Variants in ZNF33A observed in about 807,000 individuals in gnomAD.
ZNF33A encodes the protein zinc finger protein 33A.
A neutral mutation model predicts 15.9 loss-of-function variants in ZNF33A; 9 were observed. That is an observed-to-expected ratio of 0.57 (90% CI 0.34 to 0.99). The LOEUF is 0.99. Ranked by LOEUF, ZNF33A falls within the 50% of genes least tolerant of loss-of-function variation. The pLI, the probability that ZNF33A is intolerant of heterozygous loss-of-function variation, is 0.02. For missense variants in ZNF33A, 843 were observed against 941.6 expected (o/e 0.90, Z 1.37); for synonymous variants, 294 against 324.2 (o/e 0.91, Z 1.00).
intron 4 of ZNF33A, among the ~76,000 whole-genome samples, chr10:38,044,342 G>C (rs924507613): frequency 2.9e-4 from 44 of 150,264 alleles, no homozygotes; most frequent in South Asian, 1.1e-3. Flanking sequence ...AGAGTAGCTG[G>C]GATTACAGGT....
At chr10:38,045,811 C>T (rs1411069487) in intron 4 of ZNF33A, among the ~76,000 whole-genome samples, 1 of 152,192 alleles carries the variant, frequency 6.6e-6, no homozygotes. Flanking sequence ...CACTCACCCA[C>T]ACTCTGCTCT....
downstream of ZNF33A, among the ~76,000 whole-genome samples, chr10:38,060,866 C>T (rs1438696659): frequency 1.3e-5 from 2 of 151,906 alleles, no homozygotes; most frequent in Admixed American, 1.3e-4. Flanking sequence ...AGGTGAGTGT[C>T]GCATCTCTTC....
intron 4 of ZNF33A, chr10:38,039,501 A>G: frequency 2.2e-6 from 1 of 456,246 alleles, no homozygotes; most frequent in Non-Finnish European, 4.4e-6. Context: ...TGGTAGGATT[A>G]CAGGCATGAG....
At chr10:38,067,360 G>C (rs1183810204), downstream of ZNF33A, among the ~76,000 whole-genome samples, 1 of 152,186 alleles carries the variant, frequency 6.6e-6, no homozygotes, top group Non-Finnish European at 1.5e-5. Flanking sequence ...CTAGACTCCA[G>C]ACTGCTGATT....
intron 1 of ZNF33A, among the ~76,000 whole-genome samples, chr10:38,011,680 C>T (rs1206973478): frequency 3.9e-5 from 6 of 152,174 alleles, no homozygotes; most frequent in African/African-American, 1.2e-4. Flanking sequence ...TGTTCAGGAT[C>T]ACAGTTAGTA....
At chr10:38,020,289 A>G (rs1236190144) in intron 4 of ZNF33A, among the ~76,000 whole-genome samples, 1 of 152,192 alleles carries the variant, frequency 6.6e-6, no homozygotes, top group African/African-American at 2.4e-5. Context: ...ATGTTTTGAT[A>G]CAGGCATGCA....
In ZNF33A at chr10:38,059,241, C is replaced by G. The variant is rs925239769; in HGVS notation, c.*2681C>G. 1.3e-5 allele frequency: 2 copies of G among 152,072 alleles called. No individual in the cohort carries two copies. Among genetic ancestry groups the G allele is most frequent in the Non-Finnish European group, 2.9e-5 (2 of 68,018 alleles). The allele number at this position is 152,072 out of a possible 1,614,324, so 9.4% of individuals were successfully genotyped here. A position where few individuals can be genotyped will look rare whatever the true frequency, so the allele number is the denominator to read the frequency against. On this transcript the variant is annotated 3_prime_UTR_variant, in exon 5 of 5. Transcript: ENST00000432900. Reference sequence around the variant, plus strand: ...TGGTAAAGAACATACTACAAAAAACCCTACAGCTAACATTATCCTTGATGT... The same window carrying G: ...TGGTAAAGAACATACTACAAAAAACGCTACAGCTAACATTATCCTTGATGT...
chr10:38,053,062 C>G (rs2066282898), intron 4 of ZNF33A, among the ~76,000 whole-genome samples: 1 of 151,900 alleles, frequency 6.6e-6, no homozygotes, highest in Admixed American at 6.6e-5. Context: ...TTTTCTTACT[C>G]TTTTAAAATT....
At chr10:38,011,092 G>A (rs555411243) in intron 1 of ZNF33A, among the ~76,000 whole-genome samples, 2 of 152,342 alleles carry the variant, frequency 1.3e-5, no homozygotes, top group Non-Finnish European at 2.9e-5. Context: ...TAGCCTGTGC[G>A]CGTGTGCTAG....
At chr10:38,050,414 C>T (rs2066149001) in intron 4 of ZNF33A, among the ~76,000 whole-genome samples, 1 of 152,252 alleles carries the variant, frequency 6.6e-6, no homozygotes, top group South Asian at 2.1e-4. Context: ...TCACATGTTG[C>T]TGCACTCTTG....
At chr10:38,026,455 T>A (rs1038078315) in intron 4 of ZNF33A, among the ~76,000 whole-genome samples, 3 of 152,160 alleles carry the variant, frequency 2.0e-5, no homozygotes, top group Non-Finnish European at 4.4e-5. Context: ...CTGACTCAGC[T>A]TCCCGAGTAG....
chr10:38,041,984 G>GC (rs2065721039), intron 4 of ZNF33A, among the ~76,000 whole-genome samples: 1 of 152,052 alleles, frequency 6.6e-6, no homozygotes. Flanking sequence ...ACCTCAACAG[G>GC]CCCCAGTGTG....
At chr10:38,039,100 T>G (rs751626614) in intron 4 of ZNF33A, among the ~76,000 whole-genome samples, 1 of 152,182 alleles carries the variant, frequency 6.6e-6, no homozygotes, top group Non-Finnish European at 1.5e-5. Context: ...GGCAAGTGTT[T>G]CTTCTTATTT....
intron 2 of ZNF33A, chr10:38,016,076 C>T: frequency 1.8e-6 from 2 of 1,114,856 alleles, no homozygotes; most frequent in Non-Finnish European, 1.1e-6. Flanking sequence ...AAAATCTTTC[C>T]ATTTTCTACA....
intron 2 of ZNF33A, chr10:38,016,046 G>A (rs2064437872): frequency 8.1e-7 from 1 of 1,228,860 alleles, no homozygotes; most frequent in African/African-American, 1.6e-5. Flanking sequence ...CTCCACAGAG[G>A]TTTCAAATAT....
chr10:38,051,265 T>G (rs2066189658), intron 4 of ZNF33A, among the ~76,000 whole-genome samples: 1 of 152,192 alleles, frequency 6.6e-6, no homozygotes, highest in African/African-American at 2.4e-5. Context: ...CACGAAGAAT[T>G]AATTTCAGAG....
At chr10:38,031,185 C>CTA (rs2065195213) in intron 4 of ZNF33A, among the ~76,000 whole-genome samples, 4 of 152,164 alleles carry the variant, frequency 2.6e-5, no homozygotes, top group Non-Finnish European at 5.9e-5. Flanking sequence ...TGATATTGAA[C>CTA]TATAGTTCTG....
intron 4 of ZNF33A, among the ~76,000 whole-genome samples, chr10:38,033,436 A>G (rs189236972): frequency 1.3e-5 from 2 of 152,278 alleles, no homozygotes; most frequent in Admixed American, 1.3e-4. Context: ...AAGTTTTCAC[A>G]TGGACATGTA....
In ZNF33A at chr10:38,017,025, G is replaced by T. The variant is rs749703787; in HGVS notation, c.154+10G>T. 12 of 1,600,150 alleles carry T rather than the reference G, an allele frequency of 7.5e-6. No individual in the cohort carries two copies. The South Asian group carries it at 1.3e-4, about 18-fold the overall frequency. On this transcript the variant is annotated intron_variant, in intron 3 of 4. Coordinates refer to ENST00000432900, the MANE Select transcript of ZNF33A (RefSeq NM_006954.2). Reference sequence around the variant, plus strand: ...AACCTTGTCTCAGTGGGTAAGGTCTGTTCACTGTATCATTCTAAATAGCAT... The same window carrying T: ...AACCTTGTCTCAGTGGGTAAGGTCTTTTCACTGTATCATTCTAAATAGCAT...
Sources: allele counts gnomAD v4.1 joint callset (sites outside exome capture counted in the v4.1 genomes callset), GRCh38; gene constraint gnomAD v4.1.1; transcripts MANE v1.5; gene names NCBI Gene and HGNC (gene_info 2026-07-23, HGNC 2026-07-21).